UNC79: variants seen among roughly 807,000 people sequenced by gnomAD.
UNC79 encodes protein unc-79 homolog.
Under a neutral mutation model 283.1 loss-of-function variants are expected in UNC79, and 37 were observed. The ratio of observed to expected loss-of-function variants is 0.13; its 90% CI spans 0.10 to 0.17. The LOEUF (loss-of-function observed/expected upper bound fraction) is 0.17. UNC79 is among the 10% of genes least tolerant of loss of function. UNC79 has a pLI of 1.00. For synonymous variants in UNC79, 1,107 were observed against 1,200.2 expected (o/e 0.92, Z 1.61); for missense variants, 2,272 against 3,211.1 (o/e 0.71, Z 7.07).
chr14:93,659,330 G>A lies in UNC79; in HGVS notation c.6525+69G>A, dbSNP rs1165464676. The A allele has an allele frequency of 4.0e-6, 5 of 1,255,856 alleles. No homozygotes were observed. In the Admixed American group the frequency reaches 6.2e-5, roughly 16 times the overall value. 77.8% of individuals were successfully genotyped at this position (1,255,856 alleles called of 1,614,324 possible). Reference sequence around the variant, plus strand: ...TTTTTTAACCTAATGAGATAGGCTTGTAGCAATACTGAAGACATAGTTATG... The same window carrying A: ...TTTTTTAACCTAATGAGATAGGCTTATAGCAATACTGAAGACATAGTTATG... On this transcript the variant is annotated intron_variant, in intron 39 of 48. Transcript: ENST00000555664.
chr14:93,399,226 A>C (rs1042598078), intron 1 of UNC79, among the ~76,000 whole-genome samples: 2 of 152,152 alleles, frequency 1.3e-5, no homozygotes, highest in African/African-American at 2.4e-5. Context: ...TGTGGGGATT[A>C]CAGGCCCCTC....
intron 35 of UNC79, among the ~76,000 whole-genome samples, chr14:93,650,458 G>A (rs1162796739): frequency 6.6e-6 from 1 of 151,994 alleles, no homozygotes; most frequent in African/African-American, 2.4e-5. Context: ...TCATATTCTT[G>A]CCCAACTTTG....
At chr14:93,349,605 T>C (rs762277177) in intron 1 of UNC79, among the ~76,000 whole-genome samples, 1 of 152,236 alleles carries the variant, frequency 6.6e-6, no homozygotes, top group Non-Finnish European at 1.5e-5. Flanking sequence ...TTCTGTTTGC[T>C]TATTGACCTT....
chr14:93,568,824 G>A (rs553543491), intron 14 of UNC79, among the ~76,000 whole-genome samples: 1 of 152,192 alleles, frequency 6.6e-6, no homozygotes, highest in South Asian at 2.1e-4. Context: ...CATTATAAGG[G>A]CTAATGCTTT....
At chr14:93,347,296 GC>G (rs769204638) in intron 1 of UNC79, 135 of 1,604,680 alleles carry the variant, frequency 8.4e-5, no homozygotes, top group Non-Finnish European at 1.1e-4. Flanking sequence ...GCGCTGTCCT[GC>G]CCGCCGCCAC....
intron 46 of UNC79, 61 bp downstream of exon 49, chr14:93,692,007 A>G: frequency 6.4e-7 from 1 of 1,563,556 alleles, no homozygotes; most frequent in Admixed American, 1.7e-5. Flanking sequence ...CACCACTCCT[A>G]ATCCTCACAC....
chr14:93,600,863 C>A lies in UNC79; in HGVS notation c.3574+93C>A, dbSNP rs2065448496. On this transcript the variant is annotated intron_variant, in intron 25 of 48. Transcript: ENST00000555664. ...GACATTGGCATGTCGTTTAATTCCTCTACAGAGGATGCCTTGACCTCATGC... is the reference window on the plus strand; with the variant it reads ...GACATTGGCATGTCGTTTAATTCCTATACAGAGGATGCCTTGACCTCATGC... 3 of 1,405,998 alleles carry A rather than the reference C, an allele frequency of 2.1e-6. No individual in the cohort carries two copies. In the South Asian group the frequency reaches 4.0e-5, roughly 19 times the overall value. The allele number at this position is 1,405,998 out of a possible 1,614,324, so 87.1% of individuals were successfully genotyped here.
chr14:93,503,891 T>C (rs1043582728), intron 7 of UNC79, among the ~76,000 whole-genome samples: 1 of 152,004 alleles, frequency 6.6e-6, no homozygotes, highest in African/African-American at 2.4e-5. Flanking sequence ...TTTTTTGTCA[T>C]CTTCTATAAT....
At chr14:93,541,583 A>G (rs1954743534) in intron 13 of UNC79, among the ~76,000 whole-genome samples, 1 of 152,244 alleles carries the variant, frequency 6.6e-6, no homozygotes. Flanking sequence ...ATTTAATGAC[A>G]CAATGGCTAC....
exon 9 of UNC79, chr14:93,528,575 C>T: frequency 6.2e-7 from 1 of 1,613,852 alleles, no homozygotes; most frequent in Non-Finnish European, 8.5e-7. Context: ...TAGACCCTTC[C>T]CTGTCAGTAG....
chr14:93,545,837 A>T (rs947598503), intron 14 of UNC79, among the ~76,000 whole-genome samples: 2 of 152,162 alleles, frequency 1.3e-5, no homozygotes, highest in Non-Finnish European at 2.9e-5. Context: ...AGACTGAGTT[A>T]TTGCTCAAAT....
intron 1 of UNC79, among the ~76,000 whole-genome samples, chr14:93,463,914 C>G (rs1328514871): frequency 2.0e-5 from 3 of 152,092 alleles, no homozygotes; most frequent in African/African-American, 7.2e-5. Context: ...CTTTGGGAGG[C>G]GGAGGCGGGC....
chr14:93,434,804 A>G (rs2140106489), intron 1 of UNC79, among the ~76,000 whole-genome samples: 1 of 152,380 alleles, frequency 6.6e-6, no homozygotes, highest in South Asian at 2.1e-4. Flanking sequence ...ATCCTGGCAC[A>G]TAATGAGGAC....
At chr14:93,500,656 G>A (rs1202931825) in intron 7 of UNC79, among the ~76,000 whole-genome samples, 1 of 152,172 alleles carries the variant, frequency 6.6e-6, no homozygotes, top group Non-Finnish European at 1.5e-5. Flanking sequence ...ATATTGGGAA[G>A]TCAGTTGTCC....
intron 39 of UNC79, among the ~76,000 whole-genome samples, chr14:93,660,549 A>ATT (rs2071449995): frequency 8.4e-6 from 1 of 118,774 alleles, no homozygotes. Context: ...ATATATATAT[A>ATT]TATATATATA....
intron 4 of UNC79, among the ~76,000 whole-genome samples, chr14:93,483,826 G>C (rs1338394491): frequency 2.6e-5 from 4 of 152,126 alleles, no homozygotes; most frequent in Non-Finnish European, 5.9e-5. Context: ...TGCTCAGAAT[G>C]ATGGTTTCCA....
chr14:93,414,207 A>C (rs1418417437), intron 1 of UNC79, among the ~76,000 whole-genome samples: 1 of 152,110 alleles, frequency 6.6e-6, no homozygotes, highest in East Asian at 1.9e-4. Flanking sequence ...TTTTTGTATA[A>C]GGTGTAAGGA....
intron 43 of UNC79, 146 bp downstream of exon 46, chr14:93,686,807 G>T: frequency 1.2e-6 from 1 of 828,600 alleles, no homozygotes. Flanking sequence ...GGATCAAAGA[G>T]CCAGGGTCCA....
intron 1 of UNC79, among the ~76,000 whole-genome samples, chr14:93,439,225 G>A (rs897682435): frequency 5.3e-5 from 8 of 151,858 alleles, no homozygotes; most frequent in African/African-American, 1.7e-4. Context: ...GATTGCATTG[G>A]TCAGTATCTC....
Sources: allele counts gnomAD v4.1 joint callset (sites outside exome capture counted in the v4.1 genomes callset), GRCh38; gene constraint gnomAD v4.1.1; transcripts MANE v1.5; gene names NCBI Gene and HGNC (gene_info 2026-07-23, HGNC 2026-07-21).